ATP8A2: variants seen among roughly 807,000 people sequenced by gnomAD.
ATP8A2 encodes phospholipid-transporting ATPase IB.
In ATP8A2, 100 loss-of-function variants were observed where a neutral mutation model predicts 165.6. The ratio of observed to expected loss-of-function variants is 0.60; its 90% confidence interval spans 0.51 to 0.71. The LOEUF (loss-of-function observed/expected upper bound fraction) is 0.71, where lower values mean the gene tolerates loss of function less well. Ranked by LOEUF, ATP8A2 falls within the 30% of genes least tolerant of loss-of-function variation. The pLI is 0.00. For synonymous variants in ATP8A2, 543 were observed against 548.8 expected, an observed-to-expected ratio of 0.99 and a Z score of 0.15; for missense variants, 1,227 against 1,479.5, an observed-to-expected ratio of 0.83 and a Z score of 2.80.
At chr13:25,959,647 C>T (rs535823808) in intron 33 of ATP8A2, among the ~76,000 whole-genome samples, 49 of 152,320 alleles carry the variant, frequency 3.2e-4, no homozygotes, top group Admixed American at 5.9e-4. Flanking sequence ...GAGATGTTAT[C>T]ACAGAACCCA....
chr13:25,425,915 C>T (rs1035162074), intron 1 of ATP8A2, among the ~76,000 whole-genome samples: 2 of 152,154 alleles, frequency 1.3e-5, no homozygotes, highest in Non-Finnish European at 2.9e-5. Context: ...ATTTAAGCTT[C>T]CTCTATGTCT....
In ATP8A2 at chr13:25,568,760, A is replaced by C. The variant is rs190575071; in HGVS notation, c.1474-2007A>C. ...ATACTTACAAATGGTTAAATGATAG[A>C]TATTACGTGTATAGTTTACCACAAT... On this transcript the variant is annotated intron_variant, in intron 16 of 36. Coordinates refer to ENST00000381655, the MANE Select transcript of ATP8A2 (RefSeq NM_016529.6). Among the ~76,000 whole-genome samples, 13 of 152,276 alleles carry C rather than the reference A, an allele frequency of 8.5e-5. 1 individual carries two copies. The highest frequency in any genetic ancestry group is 7.9e-4 in the Admixed American group (12 of 15,284).
intron 30 of ATP8A2, among the ~76,000 whole-genome samples, chr13:25,846,378 G>A (rs1270813232): frequency 1.2e-4 from 18 of 152,132 alleles, no homozygotes; most frequent in Admixed American, 9.8e-4. Context: ...ACTAACCTGG[G>A]CTGAGCTTTA....
chr13:25,401,047 C>T (rs1389918694), intron 1 of ATP8A2, among the ~76,000 whole-genome samples: 1 of 152,116 alleles, frequency 6.6e-6, no homozygotes, highest in Non-Finnish European at 1.5e-5. Context: ...AACTTCTTCT[C>T]TTCATTCGTA....
At chr13:25,836,293 G>A (rs189044092) in intron 28 of ATP8A2, among the ~76,000 whole-genome samples, 7 of 152,226 alleles carry the variant, frequency 4.6e-5, no homozygotes, top group Admixed American at 2.6e-4. Context: ...GGTCTGCTGG[G>A]GCCGAGTGCA....
chr13:25,373,697 A>T (rs1037251320), intron 1 of ATP8A2, among the ~76,000 whole-genome samples: 1 of 152,192 alleles, frequency 6.6e-6, no homozygotes, highest in Non-Finnish European at 1.5e-5. Flanking sequence ...GAGATGGGGA[A>T]ACTGCGGAGG....
intron 2 of ATP8A2, among the ~76,000 whole-genome samples, chr13:25,525,013 G>T (rs1304918151): frequency 2.0e-5 from 3 of 150,328 alleles, no homozygotes; most frequent in African/African-American, 7.4e-5. Context: ...TCAGGTAATA[G>T]GTTTTAATTT....
chr13:25,884,672 T>C (rs1378629848), intron 33 of ATP8A2, among the ~76,000 whole-genome samples: 1 of 152,214 alleles, frequency 6.6e-6, no homozygotes, highest in Admixed American at 6.5e-5. Flanking sequence ...TCTGAGCTCT[T>C]CAACTGTTAC....
At chr13:25,649,889 T>C (rs79096897) in intron 24 of ATP8A2, among the ~76,000 whole-genome samples, 5,232 of 152,208 alleles carry the variant, frequency 0.034, 153 homozygotes, top group East Asian at 0.13. Flanking sequence ...TCAGGTACCT[T>C]TGCTGCCAGG....
intron 33 of ATP8A2, among the ~76,000 whole-genome samples, chr13:25,924,304 G>T (rs1954537942): frequency 6.6e-6 from 1 of 152,200 alleles, no homozygotes; most frequent in Admixed American, 6.5e-5. Flanking sequence ...CATTTCTGGA[G>T]GCTGGAAGTC....
At chr13:25,789,262 A>G (rs2045106409) in intron 27 of ATP8A2, among the ~76,000 whole-genome samples, 1 of 152,218 alleles carries the variant, frequency 6.6e-6, no homozygotes, top group African/African-American at 2.4e-5. Context: ...AAGACAAAAC[A>G]CAATAATGTA....
intron 35 of ATP8A2, among the ~76,000 whole-genome samples, chr13:26,010,436 A>AT (rs1488229700): frequency 6.6e-6 from 1 of 152,214 alleles, no homozygotes; most frequent in East Asian, 1.9e-4. Flanking sequence ...TCAGTTGCCC[A>AT]TTATGTCCCC....
chr13:25,728,889 C>T (rs535022133), intron 25 of ATP8A2, among the ~76,000 whole-genome samples: 2 of 152,276 alleles, frequency 1.3e-5, no homozygotes, highest in African/African-American at 4.8e-5. Flanking sequence ...TTCTCATATG[C>T]GTGCTCCTTG....
chr13:25,501,438 G>T (rs960146010), intron 2 of ATP8A2, among the ~76,000 whole-genome samples: 2 of 152,186 alleles, frequency 1.3e-5, no homozygotes, highest in Admixed American at 6.5e-5. Context: ...AATGATCAGG[G>T]CAGGCTTGAT....
chr13:25,876,779 G>C (rs992032119), intron 33 of ATP8A2, among the ~76,000 whole-genome samples: 1 of 152,116 alleles, frequency 6.6e-6, no homozygotes, highest in Non-Finnish European at 1.5e-5. Context: ...AAAGGAATAA[G>C]CCTTTGTCTG....
chr13:25,421,225 C>T lies in ATP8A2; in HGVS notation c.77-47752C>T, dbSNP rs1412759168. ...ATAACCAGATACTTACTTAGGAGTACATTTTGTTTTCTAGGTCCTTCCAGA... is the reference window on the plus strand; with the variant it reads ...ATAACCAGATACTTACTTAGGAGTATATTTTGTTTTCTAGGTCCTTCCAGA... On this transcript the variant is annotated intron_variant, in intron 1 of 36. Transcript: ENST00000381655. 2.6e-5 allele frequency among the ~76,000 whole-genome samples: 4 copies of T among 152,192 alleles called. 1 individual carries two copies. The highest frequency in any genetic ancestry group is 2.6e-4 in the Admixed American group (4 of 15,274).
At chr13:25,812,559 G>A (rs1950906703) in intron 27 of ATP8A2, among the ~76,000 whole-genome samples, 1 of 4,044 alleles carries the variant, frequency 2.5e-4, no homozygotes, top group South Asian at 8.6e-3. Context: ...TTTAATGTGT[G>A]AACTATTAAT....
At position 26,010,825 on chromosome 13, in the gene ATP8A2, G is replaced by T. The variant is rs571254964; in HGVS notation, c.3378-1706G>T. 1.1e-4 allele frequency among the ~76,000 whole-genome samples: 17 copies of T among 152,366 alleles called. No individual in the cohort carries two copies. In the South Asian group the frequency reaches 3.5e-3, roughly 32 times the overall value. On this transcript the variant is annotated intron_variant, in intron 35 of 36. Transcript: ENST00000381655. ...TATTTTTCTTCCTCAGCCATGAGAC[G>T]TTTTGCCAAGCTTAGCTAGCTGAGG...
chr13:25,777,954 A>C (rs2044779292), intron 27 of ATP8A2, among the ~76,000 whole-genome samples: 1 of 152,232 alleles, frequency 6.6e-6, no homozygotes, highest in South Asian at 2.1e-4. Flanking sequence ...GTAGGTATGG[A>C]GATATTTATG....
Sources: allele counts gnomAD v4.1 joint callset (sites outside exome capture counted in the v4.1 genomes callset), GRCh38; gene constraint gnomAD v4.1.1; transcripts MANE v1.5; gene names NCBI Gene and HGNC (gene_info 2026-07-23, HGNC 2026-07-21).